The following ZNF799 variants were observed in gnomAD, a reference collection of about 807,000 sequenced individuals.
ZNF799 encodes the protein zinc finger protein 799.
Under a neutral mutation model 41.0 loss-of-function variants are expected in ZNF799, and 28 were observed. The ratio of observed to expected loss-of-function variants is 0.68; its 90% confidence interval spans 0.51 to 0.94. ZNF799 has a LOEUF of 0.94. Ranked by LOEUF, ZNF799 falls within the 40% of genes least tolerant of loss-of-function variation. ZNF799 has a pLI of 0.00. For missense variants in ZNF799, 716 were observed against 764.3 expected, an observed-to-expected ratio of 0.94 and a Z score of 0.74; for synonymous variants, 213 against 252.9, an observed-to-expected ratio of 0.84 and a Z score of 1.50.
At chr19:12,414,647 A>G in the ZNF799 span, among the ~76,000 whole-genome samples, 1 of 152,234 alleles carries the variant, frequency 6.6e-6, no homozygotes, top group African/African-American at 2.4e-5. Flanking sequence ...CACATCAACA[A>G]TGAAATAAAA....
At chr19:12,407,213 C>T in the ZNF799 span, among the ~76,000 whole-genome samples, 6 of 151,998 alleles carry the variant, frequency 3.9e-5, no homozygotes, top group South Asian at 2.1e-4. Flanking sequence ...CCTATAATTC[C>T]GGCACTTTGG....
At chr19:12,401,515 G>A (rs1969985654), upstream of ZNF799, among the ~76,000 whole-genome samples, 1 of 136,736 alleles carries the variant, frequency 7.3e-6, no homozygotes, top group African/African-American at 2.8e-5. Context: ...TCTTCCTCCT[G>A]TACACTGACT....
upstream of ZNF799, among the ~76,000 whole-genome samples, chr19:12,403,857 GTCT>G (rs1334517960): frequency 4.6e-5 from 7 of 151,978 alleles, no homozygotes; most frequent in Non-Finnish European, 7.4e-5. Flanking sequence ...CAGCCTGCAG[GTCT>G]TCTTCTTTTT....
the ZNF799 span, among the ~76,000 whole-genome samples, chr19:12,407,803 A>AAAACCT: frequency 6.6e-6 from 1 of 152,160 alleles, no homozygotes; most frequent in Non-Finnish European, 1.5e-5. Context: ...GCTTTGTAAA[A>AAAACCT]CTAAAGGTCC....
upstream of ZNF799, among the ~76,000 whole-genome samples, chr19:12,403,548 CTTCTTCT>C (rs1452665272): frequency 6.7e-6 from 1 of 150,334 alleles, no homozygotes; most frequent in African/African-American, 2.5e-5. Context: ...TCTTCTTCTT[CTTCTTCT>C]TTTTTTTTTT....
chr19:12,397,578 A>G lies in ZNF799; in HGVS notation c.3+3490T>C, dbSNP rs545259160. 8.3e-3 allele frequency among the ~76,000 whole-genome samples: 1,243 copies of G among 150,564 alleles called. 13 individuals carry two copies. The highest frequency in any genetic ancestry group is 0.027 in the African/African-American group (1,111 of 40,928). On this transcript the variant is annotated intron_variant, in intron 1 of 3. Coordinates refer to ENST00000430385, the MANE Select transcript of ZNF799 (RefSeq NM_001080821.3). ...AGACCCTGTCTCAAAAAAAAAAAAAAAAAGAAAGAAAGAAAGAAACAAAGA... is the reference window on the plus strand; with the variant it reads ...AGACCCTGTCTCAAAAAAAAAAAAAGAAAGAAAGAAAGAAAGAAACAAAGA...
chr19:12,391,498 T>C lies in ZNF799; in HGVS notation c.900A>G (p.Glu300=). The C allele has an allele frequency of 6.2e-7, 1 of 1,614,086 alleles. No individual in the cohort carries two copies. The highest frequency in any genetic ancestry group is 8.5e-7 in the Non-Finnish European group (1 of 1,179,956). Residue 300 remains glutamate, a synonymous_variant, in exon 4 of 4, where the codon GAA becomes GAG. Coordinates refer to ENST00000430385, the MANE Select transcript of ZNF799 (RefSeq NM_001080821.3). Reference sequence around the variant, plus strand: ...AGGGTTTCTCATCAGTGTGAGTTGTTTCGTGTCTTCGAAGGGAAGTGGAAG... The same window carrying C: ...AGGGTTTCTCATCAGTGTGAGTTGTCTCGTGTCTTCGAAGGGAAGTGGAAG... The part of the protein sequence containing the change: ...FSASTSLRRH[E]TTHTDEKPYA...
At chr19:12,406,609 A>T in the ZNF799 span, among the ~76,000 whole-genome samples, 1 of 151,968 alleles carries the variant, frequency 6.6e-6, no homozygotes, top group East Asian at 1.9e-4. Flanking sequence ...AATATTAATT[A>T]AAAAGTAGAG....
chr19:12,401,473 T>A (rs1287472060), upstream of ZNF799, among the ~76,000 whole-genome samples: 2 of 151,884 alleles, frequency 1.3e-5, no homozygotes, highest in African/African-American at 2.4e-5. Context: ...TTAAGCGGAA[T>A]TTCCTGCCTG....
Position 12,401,206 on chromosome 19 carries a change from G to A in ZNF799, c.-136C>T. On this transcript the variant is annotated 5_prime_UTR_variant, in exon 1 of 4. Coordinates refer to ENST00000430385, the MANE Select transcript of ZNF799 (RefSeq NM_001080821.3). Reference sequence around the variant, plus strand: ...GCCGAGCACCGAGCGCCCAGCGCAGGTGGGTGGAGAAGACGCCGCGGGCTT... The same window carrying A: ...GCCGAGCACCGAGCGCCCAGCGCAGATGGGTGGAGAAGACGCCGCGGGCTT... 5.8e-6 allele frequency: 9 copies of A among 1,547,074 alleles called. No homozygotes were observed. Among genetic ancestry groups the A allele is most frequent in the Non-Finnish European group, 7.8e-6 (9 of 1,147,992 alleles).
chr19:12,409,038 GAA>G, the ZNF799 span, among the ~76,000 whole-genome samples: 1 of 143,058 alleles, frequency 7.0e-6, no homozygotes, highest in African/African-American at 2.5e-5. Flanking sequence ...TCCACCTCAA[GAA>G]AAAAAAAAAA....
the ZNF799 span, among the ~76,000 whole-genome samples, chr19:12,407,437 T>G: frequency 6.8e-6 from 1 of 146,016 alleles, no homozygotes; most frequent in Non-Finnish European, 1.5e-5. Flanking sequence ...CACTCCAGCC[T>G]GAGTAACAAA....
the ZNF799 span, among the ~76,000 whole-genome samples, chr19:12,412,001 C>A: frequency 2.0e-5 from 3 of 152,150 alleles, no homozygotes; most frequent in African/African-American, 7.2e-5. Context: ...TCTACCTCCT[C>A]CTCCTTCCTC....
chr19:12,411,636 TCTCA>T, the ZNF799 span, among the ~76,000 whole-genome samples: 18 of 151,944 alleles, frequency 1.2e-4, no homozygotes, highest in African/African-American at 4.3e-4. Flanking sequence ...TGAGGCAGAC[TCTCA>T]CTCACTCTGT....
chr19:12,409,447 T>C, the ZNF799 span, among the ~76,000 whole-genome samples: 3 of 152,194 alleles, frequency 2.0e-5, no homozygotes, highest in Non-Finnish European at 2.9e-5. Flanking sequence ...TCCATAATTA[T>C]AGTTGAAGGA....
Position 12,390,682 on chromosome 19 carries a change from G to C in ZNF799, c.1716C>G (p.Ser572=). 2 of 1,613,424 alleles carry C rather than the reference G, an allele frequency of 1.2e-6. No homozygotes were observed. The highest frequency in any genetic ancestry group is 2.2e-5 in the South Asian group (2 of 91,036). The change falls in exon 4 of 4, where the codon TCC becomes TCG. Residue 572 remains serine, a synonymous_variant. Transcript: ENST00000430385. ...TTTTTTCATGTCCTTGAAGAAAACG[G>C]GAATGAGTGAAGGCTTTACCACATT... The part of the protein sequence containing the change: ...CQQCGKAFTH[S]RFLQGHEKTH...
Position 12,392,428 on chromosome 19 carries a change from T to C in ZNF799, c.191+175A>G, listed in dbSNP as rs565805564. On this transcript the variant is annotated intron_variant, in intron 3 of 3. Coordinates refer to ENST00000430385, the MANE Select transcript of ZNF799 (RefSeq NM_001080821.3). Reference sequence around the variant, plus strand: ...TTCATAATATTGTTGTCATGGGAACTAATTTATGAACACTGAACAGCTATG... The same window carrying C: ...TTCATAATATTGTTGTCATGGGAACCAATTTATGAACACTGAACAGCTATG... Among the ~76,000 whole-genome samples the C allele has an allele frequency of 4.6e-5, 7 of 152,364 alleles. No individual in the cohort carries two copies. In the East Asian group the frequency reaches 1.3e-3, roughly 29 times the overall value.
chr19:12,396,751 CA>C (rs55920619), intron 1 of ZNF799, among the ~76,000 whole-genome samples: 29 of 142,642 alleles, frequency 2.0e-4, no homozygotes, highest in Middle Eastern at 3.6e-3. Context: ...TGTGAGCAGC[CA>C]AAAAAAAAAA....
the ZNF799 span, among the ~76,000 whole-genome samples, chr19:12,408,900 TG>T: frequency 1.3e-5 from 2 of 152,012 alleles, no homozygotes; most frequent in African/African-American, 4.8e-5. Context: ...CTGGGCGTGG[TG>T]GCAGGTACCT....
Sources: gnomAD v4.1 joint callset for allele counts (sites outside exome capture counted in the v4.1 genomes callset) on GRCh38, gnomAD v4.1.1 for gene constraint, MANE v1.5 for transcripts, NCBI Gene and HGNC (gene_info 2026-07-23, HGNC 2026-07-21) for gene names.